Variants in ZNF583 observed in about 807,000 individuals in gnomAD.
The protein encoded by ZNF583 is zinc finger protein 583.
ZNF583 carries 30 observed loss-of-function variants against 55.3 expected under a neutral mutation model. That is an observed-to-expected ratio of 0.54 (90% CI 0.41 to 0.74). ZNF583 has a LOEUF of 0.74. Among genes scored for constraint, ZNF583 ranks in the 30% least tolerant of loss-of-function variants. ZNF583 has a pLI of 0.00. For synonymous variants in ZNF583, 208 were observed against 220.0 expected, an observed-to-expected ratio of 0.95 and a Z score of 0.48; for missense variants, 504 against 664.7, an observed-to-expected ratio of 0.76 and a Z score of 2.66.
chr19:56,423,036 C>G lies in ZNF583; in HGVS notation c.378C>G (p.Asp126Glu). The stretch of plus-strand genomic sequence containing the variant: ...TGAGAGAAGACTGTCAAAGTGAGGA[C>G]TGGTATAAGAACCAGCTGGGAAGTC... Reference protein sequence around the residue: ...PSLREDCQSEDWYKNQLGSQE... With the variant: ...PSLREDCQSEEWYKNQLGSQE... The change falls in exon 5 of 5, where the codon GAC (aspartate) becomes GAG (glutamate). Residue 126 changes from aspartate to glutamate, a missense_variant. This residue lies in a region of ZNF583 where 204 missense variants were observed against 235.2 expected (regional missense o/e 0.87). Transcript: ENST00000333201. 6.2e-7 allele frequency: 1 copy of G among 1,614,008 alleles called. No homozygotes were observed. The highest frequency in any genetic ancestry group is 1.3e-5 in the African/African-American group (1 of 75,034).
Position 56,421,156 on chromosome 19 carries a change from A to G in ZNF583, c.233-1735A>G, listed in dbSNP as rs76834062. On this transcript the variant is annotated intron_variant, in intron 4 of 4. Coordinates refer to ENST00000333201, the MANE Select transcript of ZNF583 (RefSeq NM_152478.3). ...TCAGCCCTCAACCTCCACTAACTCAATCAAAAACTCTGTGTGTGGGGTATA... is the reference window on the plus strand; with the variant it reads ...TCAGCCCTCAACCTCCACTAACTCAGTCAAAAACTCTGTGTGTGGGGTATA... Among the ~76,000 whole-genome samples, 574 of 152,242 alleles carry G rather than the reference A, an allele frequency of 3.8e-3. 30 individuals carry two copies. The East Asian group carries it at 0.096, about 26-fold the overall frequency.
intron 4 of ZNF583, among the ~76,000 whole-genome samples, chr19:56,416,487 C>T (rs1338228021): frequency 6.7e-6 from 1 of 149,828 alleles, no homozygotes; most frequent in Non-Finnish European, 1.5e-5. Context: ...TAATTCTTTC[C>T]TTCTAATTTT....
chr19:56,415,434 G>T (rs2042305777), intron 4 of ZNF583, among the ~76,000 whole-genome samples: 1 of 152,196 alleles, frequency 6.6e-6, no homozygotes, highest in Non-Finnish European at 1.5e-5. Flanking sequence ...ATTTAGAGAT[G>T]TCAGTGTGAA....
rs148078583 is a variant in ZNF583, at chr19:56,426,191, T to C, written c.*1823T>C. The C allele has an allele frequency of 1.3e-4, 20 of 152,334 alleles. No homozygotes were observed. Among genetic ancestry groups the C allele is most frequent in the African/African-American group, 4.8e-4 (20 of 41,584 alleles). 9.4% of individuals were successfully genotyped at this position (152,334 alleles called of 1,614,324 possible). On this transcript the variant is annotated 3_prime_UTR_variant, in exon 5 of 5. Transcript: ENST00000333201. ...ATACATATTCATGCTGTTACACATA[T>C]AAAGAAAATTATAACAAAAGTGACC...
intron 4 of ZNF583, among the ~76,000 whole-genome samples, chr19:56,422,202 T>C (rs2147609363): frequency 6.6e-6 from 1 of 152,048 alleles, no homozygotes; most frequent in Non-Finnish European, 1.5e-5. Flanking sequence ...AACAGGAAAA[T>C]CTTAAGCAGA....
chr19:56,422,752 T>C (rs897673978), intron 4 of ZNF583, 139 bp from the exon 5 acceptor site: 2 of 564,292 alleles, frequency 3.5e-6, no homozygotes, highest in East Asian at 3.1e-5. Context: ...ATTCTTATTA[T>C]TTATAATGTC....
chr19:56,416,039 A>G (rs1266082330), intron 4 of ZNF583, among the ~76,000 whole-genome samples: 1 of 151,774 alleles, frequency 6.6e-6, no homozygotes, highest in Non-Finnish European at 1.5e-5. Flanking sequence ...TTTTAAAAGA[A>G]TATATTGGTC....
chr19:56,423,803 G>A lies in ZNF583; in HGVS notation c.1145G>A (p.Cys382Tyr). The A allele has an allele frequency of 6.2e-7, 1 of 1,613,736 alleles. No individual in the cohort carries two copies. ...CATACTGGAGAGAGACCCTACGAAT[G>A]TAAGGAATGTAGGAAAGCCTTCAGC... Reference protein sequence around the residue: ...RIHTGERPYECKECRKAFSQY... With the variant: ...RIHTGERPYEYKECRKAFSQY... The change falls in exon 5 of 5, where the codon TGT becomes TAT. Residue 382 changes from cysteine to tyrosine, a missense_variant. Coordinates refer to ENST00000333201, the MANE Select transcript of ZNF583 (RefSeq NM_152478.3).
Position 56,424,522 on chromosome 19 carries a change from T to A in ZNF583, c.*154T>A. ...GTCAGATGTCCACATTGCAACCAAA[T>A]TTGTATTTTTAAAAATATGTTTAAT... is the stretch of plus-strand genomic sequence containing the variant. On this transcript the variant is annotated 3_prime_UTR_variant, in exon 5 of 5. Transcript: ENST00000333201. 2 of 529,330 alleles carry A rather than the reference T, an allele frequency of 3.8e-6. No individual in the cohort carries two copies. The highest frequency in any genetic ancestry group is 3.3e-6 in the Non-Finnish European group (1 of 299,798). 32.8% of individuals were successfully genotyped at this position (529,330 alleles called of 1,614,324 possible).
At chr19:56,408,023 C>G (rs2042180603) in intron 2 of ZNF583, among the ~76,000 whole-genome samples, 1 of 152,102 alleles carries the variant, frequency 6.6e-6, no homozygotes, top group African/African-American at 2.4e-5. Context: ...AAAATAAACA[C>G]CTTGTGCCAA....
Position 56,414,450 on chromosome 19 carries a change from A to G in ZNF583, c.232+10A>G. The G allele has an allele frequency of 6.2e-7, 1 of 1,611,030 alleles. No individual in the cohort carries two copies. ...AGAGGCCCATGCCCTGGTGAGTGAGAGAGAAATAGGGAGACAGAAGCCATT... is the reference window on the plus strand; with the variant it reads ...AGAGGCCCATGCCCTGGTGAGTGAGGGAGAAATAGGGAGACAGAAGCCATT... On this transcript the variant is annotated intron_variant, in intron 4 of 4. Coordinates refer to ENST00000333201, the MANE Select transcript of ZNF583 (RefSeq NM_152478.3).
chr19:56,411,585 G>A (rs993127498), intron 2 of ZNF583, among the ~76,000 whole-genome samples: 1 of 152,164 alleles, frequency 6.6e-6, no homozygotes, highest in African/African-American at 2.4e-5. Context: ...ACACTTTCCC[G>A]CACAAAATTT....
At position 56,413,152 on chromosome 19, in the gene ZNF583, C is replaced by T. The variant is rs146449719; in HGVS notation, c.10-807C>T. Among the ~76,000 whole-genome samples the T allele has an allele frequency of 3.3e-5, 5 of 152,298 alleles. No homozygotes were observed. The East Asian group carries it at 9.6e-4, about 29-fold the overall frequency. On this transcript the variant is annotated intron_variant, in intron 2 of 4. Coordinates refer to ENST00000333201, the MANE Select transcript of ZNF583 (RefSeq NM_152478.3). Reference sequence around the variant, plus strand: ...TGTAAAACAAATGTTTAAAATTCAACACACACAAGACCTAGGTTGTCATTG... The same window carrying T: ...TGTAAAACAAATGTTTAAAATTCAATACACACAAGACCTAGGTTGTCATTG...
At chr19:56,405,230 A>G (rs533354489) in intron 1 of ZNF583, among the ~76,000 whole-genome samples, 1 of 152,204 alleles carries the variant, frequency 6.6e-6, no homozygotes, top group South Asian at 2.1e-4. Flanking sequence ...GAGATTGTGC[A>G]TGACAGTGTG....
upstream of ZNF583, chr19:56,404,242 G>C (rs888292591): frequency 6.5e-6 from 1 of 152,758 alleles, no homozygotes; most frequent in Non-Finnish European, 1.5e-5. This position sits in a 1 kb window ranked among gnomAD's most constrained non-coding sequence, Gnocchi z 5.2. Flanking sequence ...GGGATCTGCG[G>C]CCGCCCGGGG....
intron 1 of ZNF583, among the ~76,000 whole-genome samples, chr19:56,406,417 C>A (rs1368343928): frequency 2.0e-5 from 3 of 151,922 alleles, no homozygotes; most frequent in Admixed American, 6.6e-5. Context: ...GAAGAGCCTT[C>A]ATGTGTGAAA....
At chr19:56,421,205 T>C (rs1177088177) in intron 4 of ZNF583, among the ~76,000 whole-genome samples, 1 of 152,214 alleles carries the variant, frequency 6.6e-6, no homozygotes, top group Non-Finnish European at 1.5e-5. Flanking sequence ...TAGCAAGTTT[T>C]ATCTAATTCT....
intron 4 of ZNF583, among the ~76,000 whole-genome samples, chr19:56,418,605 A>T (rs941571044): frequency 6.6e-6 from 1 of 152,178 alleles, no homozygotes; most frequent in Non-Finnish European, 1.5e-5. Context: ...TTTTTATATT[A>T]GCTTTACATC....
At chr19:56,416,317 T>G (rs1021046948) in intron 4 of ZNF583, among the ~76,000 whole-genome samples, 1 of 135,446 alleles carries the variant, frequency 7.4e-6, no homozygotes, top group Non-Finnish European at 1.5e-5. Flanking sequence ...AGAGTGAGAC[T>G]CCGTCTCAAA....
Sources: gnomAD v4.1 joint callset for allele counts (sites outside exome capture counted in the v4.1 genomes callset) on GRCh38, gnomAD v4.1.1 for gene constraint, gnomAD v4.1.1 regional missense constraint, Gnocchi (gnomAD v3.1) non-coding constraint, MANE v1.5 for transcripts, NCBI Gene and HGNC (gene_info 2026-07-23, HGNC 2026-07-21) for gene names.